The following SRD5A1 variants were observed in gnomAD, a reference collection of about 807,000 sequenced individuals.
SRD5A1 encodes the protein 3-oxo-5-alpha-steroid 4-dehydrogenase 1.
Under a neutral mutation model 28.2 loss-of-function variants are expected in SRD5A1, and 22 were observed. That is an observed-to-expected ratio of 0.78 (90% confidence interval 0.56 to 1.12). The LOEUF (loss-of-function observed/expected upper bound fraction) is 1.12, where lower values mean the gene tolerates loss of function less well. Among genes scored for constraint, SRD5A1 ranks in the 50% most tolerant of loss-of-function variants. The pLI, the probability that SRD5A1 is intolerant of heterozygous loss-of-function variation, is 0.00. For missense variants in SRD5A1, 300 were observed against 346.7 expected (o/e 0.87, Z 1.07); for synonymous variants, 151 against 135.0 (o/e 1.12, Z -0.82).
At chr5:6,633,988 G>T (rs1738085589) in intron 1 of SRD5A1, 119 bp downstream of exon 1, 2 of 1,107,166 alleles carry the variant, frequency 1.8e-6, no homozygotes, top group Non-Finnish European at 2.6e-6. Flanking sequence ...CCCTCTCCCT[G>T]CCAGATCCCC....
In SRD5A1 at chr5:6,673,431, AC is replaced by A. The variant is rs1345067376; in HGVS notation, c.*5165del. 1 of 152,216 alleles carries A rather than the reference AC, an allele frequency of 6.6e-6. No homozygotes were observed. Among genetic ancestry groups the A allele is most frequent in the Non-Finnish European group, 1.5e-5 (1 of 68,056 alleles). The allele number at this position is 152,216 out of a possible 1,614,324, so 9.4% of individuals were successfully genotyped here. ...GGCCAAAATCCAGAAGACTGACATCACCAATGCTAGTGAGAATGTGGAGCAA... is the reference window on the plus strand; with the variant it reads ...GGCCAAAATCCAGAAGACTGACATCACAATGCTAGTGAGAATGTGGAGCAA... On this transcript the variant is annotated 3_prime_UTR_variant, in exon 5 of 5. Transcript: ENST00000274192.
chr5:6,671,695 G>A lies in SRD5A1; in HGVS notation c.*3427G>A, dbSNP rs1653340590. 7.0e-6 allele frequency: 1 copy of A among 143,582 alleles called. No homozygotes were observed. Among genetic ancestry groups the A allele is most frequent in the Admixed American group, 7.1e-5 (1 of 14,172 alleles). 8.9% of individuals were successfully genotyped at this position (143,582 alleles called of 1,614,324 possible). On this transcript the variant is annotated 3_prime_UTR_variant, in exon 5 of 5. Transcript: ENST00000274192. ...GACTTGGGGGGAAGGGTAAGGGGGG[G>A]TGAGGAATAAAAGACAACATATATG...
chr5:6,668,347 CT>C lies in SRD5A1; in HGVS notation c.*82del. On this transcript the variant is annotated 3_prime_UTR_variant, in exon 5 of 5. Transcript: ENST00000274192. ...TATGGACTTTGTAAATAAGTTATAT[CT>C]TTGTAATTTTCCTGCTACTTTATCA... 1.1e-6 allele frequency: 1 copy of C among 894,766 alleles called. No individual in the cohort carries two copies. The highest frequency in any genetic ancestry group is 1.7e-6 in the Non-Finnish European group (1 of 591,264). 55.4% of individuals were successfully genotyped at this position (894,766 alleles called of 1,614,324 possible). A position where few individuals can be genotyped will look rare whatever the true frequency, so the allele number is the denominator to read the frequency against.
In SRD5A1 at chr5:6,673,242, CAA is replaced by C. The variant is rs1476723201; in HGVS notation, c.*4975_*4976del. The C allele has an allele frequency of 6.6e-6, 1 of 152,168 alleles. No homozygotes were observed. The highest frequency in any genetic ancestry group is 1.5e-5 in the Non-Finnish European group (1 of 68,032). 9.4% of individuals were successfully genotyped at this position (152,168 alleles called of 1,614,324 possible). A position where few individuals can be genotyped will look rare whatever the true frequency, so the allele number is the denominator to read the frequency against. ...GTCTAGAAACATATTTCTCCCATAA[CAA>C]TAAGCCAGTTCTTTTTGCTTTGAAT... On this transcript the variant is annotated 3_prime_UTR_variant, in exon 5 of 5. Transcript: ENST00000274192.
At position 6,668,280 on chromosome 5, in the gene SRD5A1, A is replaced by G. The variant is rs767197043; in HGVS notation, c.*12A>G. The stretch of plus-strand genomic sequence containing the variant: ...CATTTTTGTTTTAAGTGCGTTTTTC[A>G]TGAAATTATCTTCAACTTGAAGCTT... On this transcript the variant is annotated 3_prime_UTR_variant, in exon 5 of 5. Coordinates refer to ENST00000274192, the MANE Select transcript of SRD5A1 (RefSeq NM_001047.4). The G allele has an allele frequency of 1.3e-6, 2 of 1,500,436 alleles. No homozygotes were observed. The highest frequency in any genetic ancestry group is 1.8e-5 in the Admixed American group (1 of 54,946). 92.9% of individuals were successfully genotyped at this position (1,500,436 alleles called of 1,614,324 possible). A position where few individuals can be genotyped will look rare whatever the true frequency, so the allele number is the denominator to read the frequency against.
chr5:6,662,153 TG>T (rs940517602), intron 3 of SRD5A1, among the ~76,000 whole-genome samples: 3 of 152,236 alleles, frequency 2.0e-5, no homozygotes, highest in African/African-American at 7.2e-5. Context: ...CCTGCCAGGC[TG>T]GCCCTCACCT....
At chr5:6,634,580 C>G (rs1285695719) in intron 1 of SRD5A1, among the ~76,000 whole-genome samples, 3 of 152,144 alleles carry the variant, frequency 2.0e-5, no homozygotes, top group East Asian at 1.9e-4. Context: ...ACCTGCTGTC[C>G]TAAAACTGCC....
At chr5:6,638,440 G>A (rs1738266702) in intron 1 of SRD5A1, among the ~76,000 whole-genome samples, 1 of 152,246 alleles carries the variant, frequency 6.6e-6, no homozygotes, top group Non-Finnish European at 1.5e-5. Context: ...GCACAAGCAA[G>A]ACAAAGGAAG....
At chr5:6,652,127 C>G (rs1738695737) in intron 2 of SRD5A1, 119 bp downstream of exon 2, 4 of 1,188,234 alleles carry the variant, frequency 3.4e-6, no homozygotes, top group Non-Finnish European at 4.6e-6. Context: ...ACAGAGAAAG[C>G]AGCAGCACCC....
chr5:6,640,986 A>G (rs1016520961), intron 1 of SRD5A1, among the ~76,000 whole-genome samples: 30 of 152,130 alleles, frequency 2.0e-4, no homozygotes, highest in African/African-American at 7.2e-4. Context: ...TTGTTCCTCT[A>G]TGGAAGGGTG....
In SRD5A1 at chr5:6,661,530, C is replaced by CTTT. The variant is rs11402128; in HGVS notation, c.563-1268_563-1266dup. ...ATGACTTAGGGCGTAATAGGTTTGT[C>CTTT]TTTTTTTTTTTTTTTTTTTTGAGAC... On this transcript the variant is annotated intron_variant, in intron 3 of 4. Coordinates refer to ENST00000274192, the MANE Select transcript of SRD5A1 (RefSeq NM_001047.4). Among the ~76,000 whole-genome samples, 1,182 of 118,214 alleles carry CTTT rather than the reference C, an allele frequency of 1.0e-2. 64 individuals carry two copies. The highest frequency in any genetic ancestry group is 0.032 in the African/African-American group (974 of 30,776). 77.6% of individuals were successfully genotyped at this position (118,214 alleles called of 152,430 possible).
rs8192251 is a variant in SRD5A1, at chr5:6,667,546, T to C, written c.714-656T>C. ...TTTCTCCATCTTGTCAAATTATTTC[T>C]AATTTTTACTCCATGCACTTAGTTG... On this transcript the variant is annotated intron_variant, in intron 4 of 4. Coordinates refer to ENST00000274192, the MANE Select transcript of SRD5A1 (RefSeq NM_001047.4). Among the ~76,000 whole-genome samples, 695 of 152,372 alleles carry C rather than the reference T, an allele frequency of 4.6e-3. 5 individuals are homozygous for C. Among genetic ancestry groups the C allele is most frequent in the Non-Finnish European group, 8.0e-3 (547 of 68,036 alleles).
intron 3 of SRD5A1, among the ~76,000 whole-genome samples, chr5:6,661,993 A>G (rs1739018940): frequency 6.6e-6 from 1 of 152,166 alleles, no homozygotes; most frequent in South Asian, 2.1e-4. Context: ...TCCCAAGTCC[A>G]AGGAGGGGCC....
intron 1 of SRD5A1, among the ~76,000 whole-genome samples, chr5:6,642,764 GT>G (rs1366549922): frequency 1.3e-5 from 2 of 152,176 alleles, no homozygotes; most frequent in Non-Finnish European, 2.9e-5. Flanking sequence ...GCTCAGAAAA[GT>G]TTCAGTCTCA....
Position 6,660,507 on chromosome 5 carries a change from T to G in SRD5A1, c.563-2309T>G, listed in dbSNP as rs1330263192. Among the ~76,000 whole-genome samples, 3 of 152,294 alleles carry G rather than the reference T, an allele frequency of 2.0e-5. No homozygotes were observed. The East Asian group carries it at 5.8e-4, about 29-fold the overall frequency. ...GAAATACAGATCATGATTAACGTAA[T>G]CTTGTAGAAAGTTGAAGCAGTTACA... is the stretch of plus-strand genomic sequence containing the variant. On this transcript the variant is annotated intron_variant, in intron 3 of 4. Transcript: ENST00000274192.
In SRD5A1 at chr5:6,672,660, T is replaced by C. The variant is rs1397481701; in HGVS notation, c.*4392T>C. ...TTGTCTACCCAACACAGCTGTAAAC[T>C]TCTCAAGGTGAGGAGTGAGCCATCA... On this transcript the variant is annotated 3_prime_UTR_variant, in exon 5 of 5. Coordinates refer to ENST00000274192, the MANE Select transcript of SRD5A1 (RefSeq NM_001047.4). The C allele has an allele frequency of 1.3e-5, 2 of 152,224 alleles. No individual in the cohort carries two copies. 9.4% of individuals were successfully genotyped at this position (152,224 alleles called of 1,614,324 possible).
chr5:6,649,265 T>C (rs1321799565), intron 1 of SRD5A1, among the ~76,000 whole-genome samples: 2 of 152,232 alleles, frequency 1.3e-5, no homozygotes, highest in African/African-American at 2.4e-5. Context: ...GGAGAACCGC[T>C]GCTCTCTTCA....
intron 1 of SRD5A1, 58 bp downstream of exon 1, chr5:6,633,927 C>G: frequency 1.3e-6 from 2 of 1,561,418 alleles, no homozygotes; most frequent in Non-Finnish European, 1.7e-6. Context: ...CCTCTCCGAC[C>G]CTCCCCTCAC....
At chr5:6,656,871 A>G (rs1738849267) in intron 3 of SRD5A1, among the ~76,000 whole-genome samples, 1 of 152,224 alleles carries the variant, frequency 6.6e-6, no homozygotes, top group Non-Finnish European at 1.5e-5. Flanking sequence ...CACAAGGTAC[A>G]GAACCCACAA....
Sources: allele counts gnomAD v4.1 joint callset (sites outside exome capture counted in the v4.1 genomes callset), GRCh38; gene constraint gnomAD v4.1.1; transcripts MANE v1.5; gene names NCBI Gene and HGNC (gene_info 2026-07-23, HGNC 2026-07-21).